MLH3: variants seen among roughly 807,000 people sequenced by gnomAD.
MLH3 encodes the protein mutL homolog 3.
A neutral mutation model predicts 122.2 loss-of-function variants in MLH3; 82 were observed. The ratio of observed to expected loss-of-function variants is 0.67; its 90% CI spans 0.56 to 0.81. MLH3 has a LOEUF of 0.81. MLH3 is among the 30% of genes least tolerant of loss of function. The pLI is 0.00. For synonymous variants in MLH3, 524 were observed against 599.5 expected (o/e 0.87, Z 1.84); for missense variants, 1,539 against 1,714.5 (o/e 0.90, Z 1.81).
Position 75,018,980 on chromosome 14 carries a change from C to T in MLH3, c.4091G>A (p.Gly1364Glu). The T allele has an allele frequency of 6.2e-7, 1 of 1,613,772 alleles. No individual in the cohort carries two copies. Among genetic ancestry groups the T allele is most frequent in the South Asian group, 1.1e-5 (1 of 91,070 alleles). The change falls in exon 12 of 13, where the codon GGG (glycine) becomes GAG (glutamate). Residue 1364 changes from glycine (G) to glutamate (E), a missense_variant and splice_region_variant. By Grantham distance (98) the Gly-to-Glu change is moderately conservative (BLOSUM62 -2). Transcript: ENST00000355774. ...CAGGCCATCATTAAACTTAATGGCC[C>T]CTAAATGAAAGACAGAAACAAGAAG... ...QKVLASQACH[G>E]AIKFNDGLSL...
At position 75,015,323 on chromosome 14, in the gene MLH3, T is replaced by C. The variant is rs1052694457; in HGVS notation, c.*1759A>G. The C allele has an allele frequency of 9.0e-5, 16 of 176,832 alleles. No homozygotes were observed. The highest frequency in any genetic ancestry group is 3.8e-4 in the African/African-American group (16 of 42,254). The allele number at this position is 176,832 out of a possible 1,614,324, so 11.0% of individuals were successfully genotyped here. On this transcript the variant is annotated 3_prime_UTR_variant, in exon 13 of 13. Coordinates refer to ENST00000355774, the MANE Select transcript of MLH3 (RefSeq NM_001040108.2). Reference sequence around the variant, plus strand: ...AGGCTAGTCAGGAAGGCCGGTTACATAATTTATGGAGGACTTTTTCTAATC... The same window carrying C: ...AGGCTAGTCAGGAAGGCCGGTTACACAATTTATGGAGGACTTTTTCTAATC...
chr14:75,031,938 A>T, intron 8 of MLH3, 130 bp downstream of exon 8: 1 of 731,264 alleles, frequency 1.4e-6, no homozygotes. Flanking sequence ...AATAACTGCT[A>T]TGACCTTAGA....
At position 75,042,381 on chromosome 14, in the gene MLH3, C is replaced by G. The variant is rs1891914494; in HGVS notation, c.3377G>C (p.Arg1126Thr). 6.2e-7 allele frequency: 1 copy of G among 1,613,780 alleles called. No homozygotes were observed. Among genetic ancestry groups the G allele is most frequent in the African/African-American group, 1.3e-5 (1 of 74,938 alleles). ...CCAGCACTCTCTGCCACCCTTACCT[C>G]TGTTATCCTGTCTCATCACAGTCCT... ...AERTVMRQDN[R>T]DTVDDTVSSE... Residue 1126 changes from arginine to threonine, a missense_variant and splice_region_variant, in exon 3 of 13, where the codon AGA (arginine) becomes ACA (threonine). Transcript: ENST00000355774.
chr14:75,040,765 A>T (rs898473392), intron 4 of MLH3, among the ~76,000 whole-genome samples: 1 of 152,156 alleles, frequency 6.6e-6, no homozygotes, highest in African/African-American at 2.4e-5. Context: ...GTGTGGCTTT[A>T]TCTAATGATA....
chr14:75,028,867 G>A (rs1890837007), intron 9 of MLH3, among the ~76,000 whole-genome samples: 1 of 151,672 alleles, frequency 6.6e-6, no homozygotes, highest in Admixed American at 6.6e-5. Context: ...AGAAAATGTT[G>A]GCCAGGCGTA....
chr14:75,051,296 T>G (rs2139630583), intron 1 of MLH3, 84 bp downstream of exon 1: 1 of 152,394 alleles, frequency 6.6e-6, no homozygotes, highest in East Asian at 1.9e-4. Context: ...CTCCGAAAGC[T>G]GCGCGCAGCC....
In MLH3 at chr14:75,048,553, T is replaced by C; in HGVS notation, c.1103A>G (p.Asp368Gly). The change falls in exon 2 of 13, where the codon GAT (aspartate) becomes GGT (glycine). Residue 368 changes from aspartate to glycine, a missense_variant. Asp to Gly is a moderately conservative substitution (Grantham distance 94). Transcript: ENST00000355774. ...AGCATCAAATAAACTAAAACCATTATCTTCACTAAATTCCTTAATATCCTC... is the reference window on the plus strand; with the variant it reads ...AGCATCAAATAAACTAAAACCATTACCTTCACTAAATTCCTTAATATCCTC... ...SGEDIKEFSEDNGFSLFDATL... is the reference protein window; with the variant it reads ...SGEDIKEFSEGNGFSLFDATL... 6.2e-7 allele frequency: 1 copy of C among 1,613,394 alleles called. No individual in the cohort carries two copies. Among genetic ancestry groups the C allele is most frequent in the Non-Finnish European group, 8.5e-7 (1 of 1,179,712 alleles).
chr14:75,033,468 C>A lies in MLH3; in HGVS notation c.3666G>T (p.Val1222=), dbSNP rs1891185877. ...GEAGGNLLVL[V]DQHAAHERIR... Reference sequence around the variant, plus strand: ...TACGCTCATGGGCAGCGTGCTGATCCACCAGCACGAGCAGGTTCCCACCTA... The same window carrying A: ...TACGCTCATGGGCAGCGTGCTGATCAACCAGCACGAGCAGGTTCCCACCTA... Residue 1222 remains valine, a synonymous_variant, in exon 7 of 13, where the codon GTG becomes GTT. Transcript: ENST00000355774. 8 of 1,613,990 alleles carry A rather than the reference C, an allele frequency of 5.0e-6. No individual in the cohort carries two copies. The highest frequency in any genetic ancestry group is 6.8e-6 in the Non-Finnish European group (8 of 1,179,890).
At position 75,047,087 on chromosome 14, in the gene MLH3, A is replaced by G. The variant is rs151186971; in HGVS notation, c.2569T>C (p.Ser857Pro). The G allele has an allele frequency of 6.2e-7, 1 of 1,614,182 alleles. No individual in the cohort carries two copies. The highest frequency in any genetic ancestry group is 2.2e-5 in the East Asian group (1 of 44,872). The change falls in exon 2 of 13, where the codon TCT becomes CCT. Residue 857 changes from serine (S) to proline (P), a missense_variant. Ser to Pro is a moderately conservative substitution (Grantham distance 74). Coordinates refer to ENST00000355774, the MANE Select transcript of MLH3 (RefSeq NM_001040108.2). ...RESPMTLKEL[S>P]LFNRKPLDLE... ...TCCAAAGGTTTTCTATTAAAGAGAG[A>G]TAACTCCTTCAGGGTCATAGGACTT...
chr14:75,017,021 T>C lies in MLH3; in HGVS notation c.*61A>G, dbSNP rs1023020315. 2 of 1,600,590 alleles carry C rather than the reference T, an allele frequency of 1.2e-6. No individual in the cohort carries two copies. Among genetic ancestry groups the C allele is most frequent in the African/African-American group, 2.7e-5 (2 of 74,568 alleles). On this transcript the variant is annotated 3_prime_UTR_variant, in exon 13 of 13. Transcript: ENST00000355774. ...CCGTGCTGGTACCTGCTGCTGCTGC[T>C]CTCTGCTCAGAGGCATACAGTGAAC...
At chr14:75,025,080 G>A (rs1287282128) in intron 9 of MLH3, among the ~76,000 whole-genome samples, 1 of 152,188 alleles carries the variant, frequency 6.6e-6, no homozygotes, top group Non-Finnish European at 1.5e-5. Flanking sequence ...CCTCTTGAAT[G>A]TTTCCCCCTT....
At chr14:75,042,807 G>C (rs554690915) in intron 2 of MLH3, among the ~76,000 whole-genome samples, 2 of 150,398 alleles carry the variant, frequency 1.3e-5, no homozygotes, top group African/African-American at 4.9e-5. Flanking sequence ...ACGGCGTCTC[G>C]CTCTGTCGCC....
rs1015203152 is a variant in MLH3 at position 75,015,025 on chromosome 14, C to G, written c.*2057G>C. On this transcript the variant is annotated 3_prime_UTR_variant, in exon 13 of 13. Transcript: ENST00000355774. Reference sequence around the variant, plus strand: ...AATGGTGATAAAGCTACCACCTTACCTCATGGACTGTCAAGAAACTAAACT... The same window carrying G: ...AATGGTGATAAAGCTACCACCTTACGTCATGGACTGTCAAGAAACTAAACT... 1.1e-5 allele frequency: 2 copies of G among 178,384 alleles called. No individual in the cohort carries two copies. Among genetic ancestry groups the G allele is most frequent in the African/African-American group, 2.4e-5 (1 of 42,262 alleles). 11.1% of individuals were successfully genotyped at this position (178,384 alleles called of 1,614,324 possible). A position where few individuals can be genotyped will look rare whatever the true frequency, so the allele number is the denominator to read the frequency against.
chr14:75,028,252 T>C (rs948681271), intron 9 of MLH3, among the ~76,000 whole-genome samples: 3 of 152,178 alleles, frequency 2.0e-5, no homozygotes, highest in Non-Finnish European at 4.4e-5. Flanking sequence ...CAATCTAAAA[T>C]GGACCTTACT....
Position 75,016,694 on chromosome 14 carries a change from C to T in MLH3, c.*388G>A, listed in dbSNP as rs1380606797. ...ACTACCCCTTGGACTTGAGCATCAG[C>T]TGAATTAGATACACGCAAATGTGAA... is the stretch of plus-strand genomic sequence containing the variant. On this transcript the variant is annotated 3_prime_UTR_variant, in exon 13 of 13. Coordinates refer to ENST00000355774, the MANE Select transcript of MLH3 (RefSeq NM_001040108.2). The T allele has an allele frequency of 3.1e-6, 1 of 318,544 alleles. No homozygotes were observed. Among genetic ancestry groups the T allele is most frequent in the African/African-American group, 2.1e-5 (1 of 46,540 alleles). The allele number at this position is 318,544 out of a possible 1,614,324, so 19.7% of individuals were successfully genotyped here. A position where few individuals can be genotyped will look rare whatever the true frequency, so the allele number is the denominator to read the frequency against.
intron 5 of MLH3, among the ~76,000 whole-genome samples, chr14:75,039,620 C>G (rs1891667114): frequency 6.6e-6 from 1 of 151,630 alleles, no homozygotes; most frequent in African/African-American, 2.4e-5. Context: ...TGCAGGAGAA[C>G]CTTGAGAATC....
At chr14:75,027,609 T>G (rs1890716062) in intron 9 of MLH3, among the ~76,000 whole-genome samples, 1 of 150,468 alleles carries the variant, frequency 6.6e-6, no homozygotes, top group Non-Finnish European at 1.5e-5. Context: ...ATTTTTGTAT[T>G]TTTTGTCTCA....
In MLH3 at chr14:75,030,567, A is replaced by G. The variant is rs745633292; in HGVS notation, c.3963T>C (p.Ser1321=). 1.2e-6 allele frequency: 2 copies of G among 1,614,034 alleles called. No homozygotes were observed. The highest frequency in any genetic ancestry group is 1.7e-6 in the Non-Finnish European group (2 of 1,180,006). The change falls in exon 9 of 13, where the codon TCT becomes TCC. Residue 1321 remains serine, a synonymous_variant. Transcript: ENST00000355774. ...REANELRRGR[S]TVTKSIVEEF... Reference sequence around the variant, plus strand: ...CCTCCACAATACTCTTGGTCACAGTAGATCTTCCTCTCCGAAGTTCATTGG... The same window carrying G: ...CCTCCACAATACTCTTGGTCACAGTGGATCTTCCTCTCCGAAGTTCATTGG...
At chr14:75,038,998 C>T (rs1013795912) in intron 5 of MLH3, among the ~76,000 whole-genome samples, 2 of 151,822 alleles carry the variant, frequency 1.3e-5, no homozygotes, top group African/African-American at 2.4e-5. Flanking sequence ...GCTGGGAGTA[C>T]AGGTGCCCGC....
Sources: gnomAD v4.1 joint callset for allele counts (sites outside exome capture counted in the v4.1 genomes callset) on GRCh38, gnomAD v4.1.1 for gene constraint, MANE v1.5 for transcripts, NCBI Gene and HGNC (gene_info 2026-07-23, HGNC 2026-07-21) for gene names.